GALNTL6: variants seen among roughly 807,000 people sequenced by gnomAD.
GALNTL6 encodes the protein polypeptide N-acetylgalactosaminyltransferase-like 6.
Under a neutral mutation model 73.7 loss-of-function variants are expected in GALNTL6, and 46 were observed. The observed-to-expected ratio is 0.62, with a 90% CI of 0.49 to 0.80. GALNTL6 has a LOEUF of 0.80. Among genes scored for constraint, GALNTL6 ranks in the 30% least tolerant of loss-of-function variants. GALNTL6 has a pLI of 0.00. For synonymous variants in GALNTL6, 259 were observed against 263.7 expected, an observed-to-expected ratio of 0.98 and a Z score of 0.17; for missense variants, 604 against 755.0, an observed-to-expected ratio of 0.80 and a Z score of 2.34.
chr4:171,963,789 A>G (rs1739302946), intron 2 of GALNTL6, among the ~76,000 whole-genome samples: 1 of 141,268 alleles, frequency 7.1e-6, no homozygotes, highest in Non-Finnish European at 1.5e-5. Context: ...ACAGGAAGAG[A>G]GAGAATAAAA....
intron 7 of GALNTL6, among the ~76,000 whole-genome samples, chr4:172,880,530 C>T (rs1745403992): frequency 6.6e-6 from 1 of 152,030 alleles, no homozygotes; most frequent in Non-Finnish European, 1.5e-5. Context: ...TACAAAGAGA[C>T]ATGAGGAAAC....
At chr4:172,348,805 G>A in intron 5 of GALNTL6, 116 bp downstream of exon 5, 1 of 616,588 alleles carries the variant, frequency 1.6e-6, no homozygotes, top group East Asian at 3.0e-5. Flanking sequence ...AGGTGATTAT[G>A]AAGTTTTATC....
chr4:172,118,974 T>A (rs1733070302), intron 2 of GALNTL6, among the ~76,000 whole-genome samples: 1 of 152,108 alleles, frequency 6.6e-6, no homozygotes, highest in African/African-American at 2.4e-5. Context: ...TAAAGCCTTT[T>A]TTTTTTGCAA....
At chr4:172,226,337 T>C (rs28708717) in intron 2 of GALNTL6, among the ~76,000 whole-genome samples, 2,186 of 152,316 alleles carry the variant, frequency 0.014, 56 homozygotes, top group African/African-American at 0.05. Flanking sequence ...AGTATACTTA[T>C]GTTAGTTAAG....
intron 3 of GALNTL6, among the ~76,000 whole-genome samples, chr4:172,234,529 A>C (rs1464599558): frequency 1.3e-5 from 2 of 152,110 alleles, no homozygotes; most frequent in Admixed American, 1.3e-4. Flanking sequence ...AACCTGAAGG[A>C]GTGCTGATTT....
At chr4:172,436,468 C>T (rs191571078) in intron 5 of GALNTL6, among the ~76,000 whole-genome samples, 3 of 152,016 alleles carry the variant, frequency 2.0e-5, no homozygotes, top group Admixed American at 6.6e-5. Flanking sequence ...AGGTAAGTCC[C>T]GACATCCTAC....
In GALNTL6 at chr4:172,491,456, CTG is replaced by C. The variant is rs910388383; in HGVS notation, c.553+142773_553+142774del. The stretch of plus-strand genomic sequence containing the variant: ...AAAGAATCATTTGGAGTAATATGGA[CTG>C]TGTGTTATTACTCATCCAAGTTCTG... On this transcript the variant is annotated intron_variant, in intron 5 of 12. Coordinates refer to ENST00000506823, the MANE Select transcript of GALNTL6 (RefSeq NM_001034845.3). Among the ~76,000 whole-genome samples the C allele has an allele frequency of 3.8e-4, 58 of 152,000 alleles. 1 individual carries two copies. Among genetic ancestry groups the C allele is most frequent in the African/African-American group, 1.3e-3 (54 of 41,474 alleles).
intron 5 of GALNTL6, among the ~76,000 whole-genome samples, chr4:172,361,322 G>T (rs1400654092): frequency 6.7e-6 from 1 of 148,254 alleles, no homozygotes; most frequent in African/African-American, 2.5e-5. Flanking sequence ...TTTCCTGAGA[G>T]AAATTACAAG....
intron 3 of GALNTL6, among the ~76,000 whole-genome samples, chr4:172,276,061 C>T (rs1345812992): frequency 6.6e-6 from 1 of 152,184 alleles, no homozygotes; most frequent in Non-Finnish European, 1.5e-5. Context: ...TCTTTATCTT[C>T]TTTCACATCA....
intron 2 of GALNTL6, among the ~76,000 whole-genome samples, chr4:172,100,329 A>G (rs12504869): frequency 0.094 from 14,251 of 152,142 alleles, 822 homozygotes; most frequent in Admixed American, 0.2. Flanking sequence ...CAGAGAGCAG[A>G]ATTTCTGCCT....
At chr4:171,831,304 C>G (rs1396789449) in intron 2 of GALNTL6, among the ~76,000 whole-genome samples, 2 of 151,862 alleles carry the variant, frequency 1.3e-5, no homozygotes, top group African/African-American at 2.4e-5. Context: ...TTTATAGGAG[C>G]TGGAATAGAT....
At chr4:172,812,098 G>A (rs542393772) in intron 6 of GALNTL6, among the ~76,000 whole-genome samples, 68 of 152,106 alleles carry the variant, frequency 4.5e-4, no homozygotes, top group African/African-American at 1.6e-3. Context: ...GGATGGAAAG[G>A]CATATAGACC....
intron 2 of GALNTL6, among the ~76,000 whole-genome samples, chr4:171,851,096 T>C (rs1735511348): frequency 6.6e-6 from 1 of 152,172 alleles, no homozygotes; most frequent in African/African-American, 2.4e-5. Flanking sequence ...AAGTATAAGA[T>C]AGGAACGAAC....
intron 2 of GALNTL6, among the ~76,000 whole-genome samples, chr4:171,956,707 G>T (rs1054402973): frequency 6.6e-6 from 1 of 152,054 alleles, no homozygotes; most frequent in Non-Finnish European, 1.5e-5. Context: ...AAATAAATAT[G>T]CATTGACTTT....
chr4:171,862,471 C>A (rs1735856849), intron 2 of GALNTL6, among the ~76,000 whole-genome samples: 1 of 151,804 alleles, frequency 6.6e-6, no homozygotes, highest in African/African-American at 2.4e-5. Flanking sequence ...TATTTAAATT[C>A]TGAATATATA....
At chr4:172,056,825 A>G (rs1002332353) in intron 2 of GALNTL6, among the ~76,000 whole-genome samples, 1 of 152,058 alleles carries the variant, frequency 6.6e-6, no homozygotes, top group African/African-American at 2.4e-5. Context: ...TATGCAAAAA[A>G]ATTATAGACT....
intron 2 of GALNTL6, among the ~76,000 whole-genome samples, chr4:172,141,905 ACACACAC>A (rs1293769223): frequency 2.4e-5 from 3 of 125,624 alleles, no homozygotes; most frequent in Admixed American, 1.7e-4. Flanking sequence ...ACACACACAC[ACACACAC>A]CCCCCACACT....
chr4:172,256,665 A>T (rs1032764307), intron 3 of GALNTL6, among the ~76,000 whole-genome samples: 2 of 151,142 alleles, frequency 1.3e-5, no homozygotes, highest in East Asian at 3.9e-4. Context: ...TCTTTTCTCT[A>T]CCCAGAATAT....
intron 2 of GALNTL6, among the ~76,000 whole-genome samples, chr4:171,987,461 C>T (rs1224870887): frequency 1.3e-5 from 2 of 152,140 alleles, no homozygotes; most frequent in Admixed American, 6.5e-5. Flanking sequence ...GTAGGAAAGG[C>T]CTCTACCCAA....
Sources: gnomAD v4.1 joint callset for allele counts (sites outside exome capture counted in the v4.1 genomes callset) on GRCh38, gnomAD v4.1.1 for gene constraint, MANE v1.5 for transcripts, NCBI Gene and HGNC (gene_info 2026-07-23, HGNC 2026-07-21) for gene names.